Variants in RANBP17 observed in about 807,000 individuals in gnomAD.
RANBP17 encodes RAN binding protein 17, also known as ran-binding protein 17.
A neutral mutation model predicts 141.2 loss-of-function variants in RANBP17; 158 were observed. That is an observed-to-expected ratio of 1.12 (90% confidence interval 0.98 to 1.28). The LOEUF is 1.28. Among genes scored for constraint, RANBP17 ranks in the 50% most tolerant of loss-of-function variants. RANBP17 has a pLI of 0.00. For synonymous variants in RANBP17, 430 were observed against 450.0 expected (o/e 0.96, Z 0.56); for missense variants, 1,438 against 1,290.7 (o/e 1.11, Z -1.75).
At chr5:171,049,057 C>T (rs1183508979) in intron 14 of RANBP17, among the ~76,000 whole-genome samples, 2 of 152,196 alleles carry the variant, frequency 1.3e-5, no homozygotes, top group African/African-American at 4.8e-5. Flanking sequence ...AATCGCCACA[C>T]TGCTTTCCAC....
At chr5:171,082,640 CACATA>C (rs1423876815) in intron 14 of RANBP17, among the ~76,000 whole-genome samples, 2 of 152,114 alleles carry the variant, frequency 1.3e-5, no homozygotes, top group African/African-American at 4.8e-5. Flanking sequence ...ATTGGAAGGT[CACATA>C]ACCTTTTAAG....
At chr5:170,913,765 A>G (rs1361032386) in intron 7 of RANBP17, among the ~76,000 whole-genome samples, 1 of 92,148 alleles carries the variant, frequency 1.1e-5, no homozygotes, top group Non-Finnish European at 2.8e-5. Flanking sequence ...TTATTTGGAA[A>G]CATGAATGTA....
intron 11 of RANBP17, among the ~76,000 whole-genome samples, chr5:170,923,584 A>G (rs1192442679): frequency 1.3e-5 from 2 of 152,220 alleles, no homozygotes; most frequent in Non-Finnish European, 2.9e-5. Flanking sequence ...ACTTGGGGAA[A>G]GAATTGACAT....
In RANBP17 at chr5:170,862,040, C is replaced by T; in HGVS notation, c.7C>T (p.Leu3=). 2.0e-6 allele frequency: 3 copies of T among 1,463,626 alleles called. No homozygotes were observed. The highest frequency in any genetic ancestry group is 2.7e-6 in the Non-Finnish European group (3 of 1,114,850). The allele number at this position is 1,463,626 out of a possible 1,614,324, so 90.7% of individuals were successfully genotyped here. Residue 3 remains leucine (L), a synonymous_variant, in exon 1 of 28, where the codon CTG becomes TTG. Coordinates refer to ENST00000523189, the MANE Select transcript of RANBP17 (RefSeq NM_022897.5). The part of the protein sequence containing the change: MA[L]HFQSLAELEV... Reference sequence around the variant, plus strand: ...GGCGCCGCCTCCTGGGAAGATGGCGCTGCACTTCCAGGTCAGTGTGCTCTG... The same window carrying T: ...GGCGCCGCCTCCTGGGAAGATGGCGTTGCACTTCCAGGTCAGTGTGCTCTG...
chr5:171,277,665 A>ATATATATATATATATT (rs1561823588), intron 25 of RANBP17, among the ~76,000 whole-genome samples: 16 of 135,152 alleles, frequency 1.2e-4, no homozygotes, highest in Admixed American at 3.0e-4. Context: ...ATATATATAT[A>ATATATATATATATATT]TATTTATGTC....
chr5:171,147,389 GTTTT>G (rs1431550870), intron 14 of RANBP17, among the ~76,000 whole-genome samples: 2 of 119,068 alleles, frequency 1.7e-5, no homozygotes, highest in Admixed American at 9.1e-5. Flanking sequence ...GTGGTTGTTT[GTTTT>G]TTTGTGTGTT....
At chr5:171,078,184 A>C (rs1309634552) in intron 14 of RANBP17, among the ~76,000 whole-genome samples, 1 of 146,048 alleles carries the variant, frequency 6.8e-6, no homozygotes, top group East Asian at 2.0e-4. Context: ...CACAGGCTAG[A>C]GTGAAGTGAC....
intron 14 of RANBP17, among the ~76,000 whole-genome samples, chr5:171,114,098 T>G (rs1240495966): frequency 6.6e-6 from 1 of 152,136 alleles, no homozygotes; most frequent in African/African-American, 2.4e-5. Flanking sequence ...ATGGTAAATA[T>G]CAATTGATAG....
chr5:171,141,621 CA>C lies in RANBP17; in HGVS notation c.1711-28488del, dbSNP rs10691735. On this transcript the variant is annotated intron_variant, in intron 14 of 27. Transcript: ENST00000523189. ...ACTGAGATGGAGCGAGACTCCATCT[CA>C]AAAAAAAAAAAAAAAAAAAAGTGAA... 3.5e-3 allele frequency among the ~76,000 whole-genome samples: 195 copies of C among 55,310 alleles called. 2 individuals carry two copies. The South Asian group carries it at 0.061, about 17-fold the overall frequency. 36.3% of individuals were successfully genotyped at this position (55,310 alleles called of 152,430 possible).
chr5:171,224,463 G>A (rs1401883024), intron 22 of RANBP17, among the ~76,000 whole-genome samples: 1 of 152,122 alleles, frequency 6.6e-6, no homozygotes. Flanking sequence ...GACTTTCTAG[G>A]ACAGAATGTA....
At chr5:171,275,528 A>G (rs958122875) in intron 25 of RANBP17, among the ~76,000 whole-genome samples, 7 of 152,172 alleles carry the variant, frequency 4.6e-5, no homozygotes, top group African/African-American at 1.7e-4. Flanking sequence ...AAAATTAGCC[A>G]CAATGTGCTT....
chr5:171,073,046 A>G (rs1348692412), intron 14 of RANBP17, among the ~76,000 whole-genome samples: 1 of 152,028 alleles, frequency 6.6e-6, no homozygotes, highest in Non-Finnish European at 1.5e-5. Flanking sequence ...GGTGGTTACC[A>G]GGAGGTGGGG....
intron 12 of RANBP17, among the ~76,000 whole-genome samples, chr5:170,926,042 G>A (rs1250714716): frequency 6.6e-6 from 1 of 152,188 alleles, no homozygotes; most frequent in Non-Finnish European, 1.5e-5. Context: ...AGTAGGTACT[G>A]TTAAACTATT....
At chr5:171,197,057 G>C (rs1291609006) in intron 18 of RANBP17, among the ~76,000 whole-genome samples, 1 of 152,092 alleles carries the variant, frequency 6.6e-6, no homozygotes, top group Non-Finnish European at 1.5e-5. Flanking sequence ...TCCACATTTA[G>C]AAAATACTTT....
intron 20 of RANBP17, chr5:171,206,142 GA>G (rs76562650): frequency 0.18 from 25,487 of 142,974 alleles, 1,967 homozygotes; most frequent in African/African-American, 0.2. Context: ...GTACAGACAG[GA>G]AAAAAAAAAA....
chr5:171,014,296 T>C (rs949721674), intron 14 of RANBP17, among the ~76,000 whole-genome samples: 2 of 152,166 alleles, frequency 1.3e-5, no homozygotes. Context: ...TACCTTTTAA[T>C]TGAGCTGTAT....
chr5:171,256,371 A>G (rs1476039249), intron 24 of RANBP17, among the ~76,000 whole-genome samples: 1 of 152,232 alleles, frequency 6.6e-6, no homozygotes, highest in African/African-American at 2.4e-5. Flanking sequence ...AGAAGGCGCT[A>G]TATAGATACA....
chr5:171,130,217 C>T (rs1013941519), intron 14 of RANBP17, among the ~76,000 whole-genome samples: 1 of 152,078 alleles, frequency 6.6e-6, no homozygotes, highest in Middle Eastern at 3.4e-3. Flanking sequence ...CACTCTCCTC[C>T]CCCATCACTA....
intron 25 of RANBP17, among the ~76,000 whole-genome samples, chr5:171,277,938 C>CTTTTTTTTTTTTTTTTTTT (rs140208253): frequency 4.2e-5 from 3 of 72,266 alleles, no homozygotes; most frequent in African/African-American, 5.7e-5. Context: ...GGACTTCTTT[C>CTTTTTTTTTTTTTTTTTTT]TTTTTTTTTT....
Sources: allele counts gnomAD v4.1 joint callset (sites outside exome capture counted in the v4.1 genomes callset), GRCh38; gene constraint gnomAD v4.1.1; transcripts MANE v1.5; gene names NCBI Gene and HGNC (gene_info 2026-07-23, HGNC 2026-07-21).